Variants in TULP4 observed in about 807,000 individuals in gnomAD.
The protein encoded by TULP4 is tubby-related protein 4.
A neutral mutation model predicts 129.0 loss-of-function variants in TULP4; 16 were observed. The observed-to-expected ratio is 0.12, with a 90% CI of 0.08 to 0.19. TULP4 has a LOEUF of 0.19. Among genes scored for constraint, TULP4 ranks in the 10% least tolerant of loss-of-function variants. TULP4 has a pLI of 1.00. For missense variants in TULP4, 1,842 were observed against 2,059.1 expected (o/e 0.89, Z 2.04); for synonymous variants, 998 against 854.0 (o/e 1.17, Z -2.94).
chr6:158,503,691 G>A lies in TULP4; in HGVS notation c.4028G>A (p.Ser1343Asn). Reference sequence around the variant, plus strand: ...AAGAAGAACCGGAAGCGCCTGGACAGCCGAGCAGAAGAAGGCAGCGTTCAG... The same window carrying A: ...AAGAAGAACCGGAAGCGCCTGGACAACCGAGCAGAAGAAGGCAGCGTTCAG... ...FGKKNRKRLD[S>N]RAEEGSVQAI... The change falls in exon 13 of 14, where the codon AGC (serine) becomes AAC (asparagine). Residue 1343 changes from serine (S) to asparagine (N), a missense_variant. Physicochemically the swap from Ser to Asn is conservative, Grantham distance 46. Coordinates refer to ENST00000367097, the MANE Select transcript of TULP4 (RefSeq NM_020245.5). The surrounding 1 kb of genome is among the most constrained non-coding windows in gnomAD (Gnocchi z 4.3). 6.2e-7 allele frequency: 1 copy of A among 1,613,974 alleles called. No homozygotes were observed. Among genetic ancestry groups the A allele is most frequent in the Non-Finnish European group, 8.5e-7 (1 of 1,180,010 alleles).
chr6:158,301,415 A>T (rs1231188983), intron 1 of TULP4, among the ~76,000 whole-genome samples: 2 of 151,322 alleles, frequency 1.3e-5, no homozygotes, highest in African/African-American at 4.9e-5. Flanking sequence ...TTTTTGGATA[A>T]TGATTGTCAA....
rs149267893 is a variant in TULP4, at chr6:158,401,564, C to T, written c.253-11501C>T. 2.8e-3 allele frequency among the ~76,000 whole-genome samples: 431 copies of T among 151,434 alleles called. 6 individuals carry two copies. Among genetic ancestry groups the T allele is most frequent in the African/African-American group, 9.9e-3 (408 of 41,282 alleles). Reference sequence around the variant, plus strand: ...TTAGTGATGAAAAATGGAGTTGTGCCGAGCCTCTTTCATCTGGAAGCACTG... The same window carrying T: ...TTAGTGATGAAAAATGGAGTTGTGCTGAGCCTCTTTCATCTGGAAGCACTG... On this transcript the variant is annotated intron_variant, in intron 1 of 13. Coordinates refer to ENST00000367097, the MANE Select transcript of TULP4 (RefSeq NM_020245.5).
intron 2 of TULP4, among the ~76,000 whole-genome samples, chr6:158,416,930 A>G (rs1286662707): frequency 2.6e-5 from 4 of 152,236 alleles, no homozygotes; most frequent in South Asian, 4.1e-4. Flanking sequence ...ACAGTGTTCA[A>G]CACAATCACA....
chr6:158,353,019 A>G (rs576676317), intron 1 of TULP4, among the ~76,000 whole-genome samples: 4 of 152,372 alleles, frequency 2.6e-5, no homozygotes, highest in African/African-American at 9.6e-5. Flanking sequence ...CGAAGTAGGC[A>G]AGCCTGCAGA....
chr6:158,389,400 C>T (rs751053161), intron 1 of TULP4, among the ~76,000 whole-genome samples: 9 of 152,154 alleles, frequency 5.9e-5, no homozygotes, highest in Non-Finnish European at 1.0e-4. Flanking sequence ...TGCAGTGAGC[C>T]GAGATTGCAT....
chr6:158,256,160 G>C (rs1013601146), intron 1 of TULP4, among the ~76,000 whole-genome samples: 6 of 152,230 alleles, frequency 3.9e-5, no homozygotes, highest in Non-Finnish European at 1.5e-5. Flanking sequence ...CAGGCAAGGA[G>C]CAGTCAGTGG....
At chr6:158,292,684 C>A (rs1310172698) in intron 1 of TULP4, among the ~76,000 whole-genome samples, 1 of 152,114 alleles carries the variant, frequency 6.6e-6, no homozygotes, top group Non-Finnish European at 1.5e-5. Flanking sequence ...TCAACCAATA[C>A]CCTGTTTGGA....
chr6:158,243,401 G>A (rs1400883655), intron 1 of TULP4, among the ~76,000 whole-genome samples: 1 of 151,448 alleles, frequency 6.6e-6, no homozygotes, highest in African/African-American at 2.4e-5. Context: ...TTGTGTGTAT[G>A]TATGTGTGTG....
At chr6:158,443,207 C>T (rs541892942) in intron 3 of TULP4, among the ~76,000 whole-genome samples, 1 of 152,266 alleles carries the variant, frequency 6.6e-6, no homozygotes, top group Non-Finnish European at 1.5e-5. Context: ...TGGTCTCGAT[C>T]TCCTGACCTT....
intron 1 of TULP4, among the ~76,000 whole-genome samples, chr6:158,261,224 T>C (rs1292548516): frequency 1.3e-5 from 2 of 152,210 alleles, no homozygotes; most frequent in Non-Finnish European, 2.9e-5. Context: ...GTGGAGGCTG[T>C]TGAGCAGTTG....
chr6:158,281,268 C>T (rs1778747072), upstream of TULP4, among the ~76,000 whole-genome samples: 1 of 149,718 alleles, frequency 6.7e-6, no homozygotes, highest in Non-Finnish European at 1.5e-5. Context: ...GGCTGGAGTG[C>T]AGTGGCACGA....
intron 1 of TULP4, among the ~76,000 whole-genome samples, chr6:158,302,349 A>G (rs1486128198): frequency 6.6e-6 from 1 of 152,232 alleles, no homozygotes; most frequent in East Asian, 1.9e-4. Context: ...AAGATCAGTA[A>G]CTATGAGAGG....
chr6:158,359,706 C>A (rs1780724488), intron 1 of TULP4, among the ~76,000 whole-genome samples: 1 of 152,168 alleles, frequency 6.6e-6, no homozygotes, highest in Non-Finnish European at 1.5e-5. Context: ...CTCACAGACA[C>A]ACCCAGGAAC....
intron 1 of TULP4, among the ~76,000 whole-genome samples, chr6:158,259,713 C>T (rs749352833): frequency 7.9e-5 from 12 of 152,238 alleles, no homozygotes; most frequent in Non-Finnish European, 1.8e-4. Context: ...ATACCAATTG[C>T]AAGTCTTCAT....
upstream of TULP4, among the ~76,000 whole-genome samples, chr6:158,277,940 C>T (rs150499639): frequency 9.8e-5 from 15 of 152,292 alleles, no homozygotes; most frequent in African/African-American, 3.4e-4. Context: ...ACTCAGAGAG[C>T]ATCATATCAA....
At position 158,502,612 on chromosome 6, in the gene TULP4, C is replaced by G. The variant is rs1405703999; in HGVS notation, c.2949C>G (p.Ile983Met). 8.1e-6 allele frequency: 13 copies of G among 1,598,832 alleles called. No homozygotes were observed. The South Asian group carries it at 8.8e-5, about 11-fold the overall frequency. ...CCCAGAGGTCCGACAATAGCCTCAT[C>G]CACGCTACCCTGCGGAGGAACAACC... ...GAAQRSDNSL[I>M]HATLRRNNRE... Residue 983 changes from isoleucine (I) to methionine (M), a missense_variant, in exon 13 of 14, where the codon ATC (isoleucine) becomes ATG (methionine). Ile to Met is a conservative substitution (Grantham distance 10). Transcript: ENST00000367097.
intron 1 of TULP4, among the ~76,000 whole-genome samples, chr6:158,273,527 A>G (rs1349617216): frequency 1.3e-5 from 2 of 152,142 alleles, no homozygotes; most frequent in African/African-American, 4.8e-5. Context: ...CCAGCTATTT[A>G]CTTGACCCTG....
At chr6:158,430,509 G>A (rs1358281842) in intron 3 of TULP4, among the ~76,000 whole-genome samples, 1 of 152,192 alleles carries the variant, frequency 6.6e-6, no homozygotes, top group East Asian at 1.9e-4. Context: ...TTGGGAGGTG[G>A]AGGCGGGTGG....
Position 158,493,698 on chromosome 6 carries a change from C to A in TULP4, c.1757C>A (p.Pro586His), listed in dbSNP as rs752381396. 1.9e-6 allele frequency: 3 copies of A among 1,581,102 alleles called. No individual in the cohort carries two copies. The highest frequency in any genetic ancestry group is 2.6e-6 in the Non-Finnish European group (3 of 1,164,894). Residue 586 changes from proline (P) to histidine (H), a missense_variant, in exon 10 of 14, where the codon CCT (proline) becomes CAT (histidine). Physicochemically the swap from Pro to His is moderately conservative, Grantham distance 77 (BLOSUM62 -2). Around this residue, in one of 5 missense-constraint regions of TULP4, gnomAD observed 456 missense variants for 534.3 expected, o/e 0.85. Transcript: ENST00000367097. This position sits in a 1 kb window ranked among gnomAD's most constrained non-coding sequence, Gnocchi z 4.4. ...GSPSLTRREF[P>H]FEDITQHNYL... ...CCCAGCCTGACTCGGAGAGAGTTTCCTTTTGAAGACATCACTCAGGTAGGA... is the reference window on the plus strand; with the variant it reads ...CCCAGCCTGACTCGGAGAGAGTTTCATTTTGAAGACATCACTCAGGTAGGA...
Sources: allele counts gnomAD v4.1 joint callset (sites outside exome capture counted in the v4.1 genomes callset), GRCh38; gene constraint gnomAD v4.1.1; regional missense constraint gnomAD v4.1.1; non-coding constraint Gnocchi (gnomAD v3.1); transcripts MANE v1.5; gene names NCBI Gene and HGNC (gene_info 2026-07-23, HGNC 2026-07-21).